The following STARD7 variants were observed in gnomAD, a reference collection of about 807,000 sequenced individuals.
STARD7 encodes StAR related lipid transfer domain containing 7, also known as stAR-related lipid transfer protein 7, mitochondrial.
In STARD7, 30 loss-of-function variants were observed where a neutral mutation model predicts 45.3. The observed-to-expected ratio is 0.66, with a 90% CI of 0.50 to 0.90. STARD7 has a LOEUF of 0.90. Among genes scored for constraint, STARD7 ranks in the 40% least tolerant of loss-of-function variants. The probability of loss-of-function intolerance (pLI) is 0.00; values close to 1 mark genes in which losing one functional copy is unlikely to be tolerated. For missense variants in STARD7, 495 were observed against 491.3 expected (o/e 1.01, Z -0.07); for synonymous variants, 199 against 183.0 (o/e 1.09, Z -0.70).
At chr2:96,194,673 G>A (rs1332062643) in intron 3 of STARD7, among the ~76,000 whole-genome samples, 1 of 152,010 alleles carries the variant, frequency 6.6e-6, no homozygotes, top group Non-Finnish European at 1.5e-5. Context: ...AGTTGTTTGG[G>A]GAAAAAAACA....
chr2:96,185,742 GA>G lies in STARD7; in HGVS notation c.*987del, dbSNP rs1185623306. 6.6e-6 allele frequency: 1 copy of G among 152,184 alleles called. No homozygotes were observed. The highest frequency in any genetic ancestry group is 1.5e-5 in the Non-Finnish European group (1 of 68,038). 9.4% of individuals were successfully genotyped at this position (152,184 alleles called of 1,614,324 possible). A position where few individuals can be genotyped will look rare whatever the true frequency, so the allele number is the denominator to read the frequency against. ...CCCATTCCTCTGACTTTAGCCTTCT[GA>G]AAAGAACAAGTCAAACCTGAAATAT... On this transcript the variant is annotated 3_prime_UTR_variant, in exon 8 of 8. Coordinates refer to ENST00000337288, the MANE Select transcript of STARD7 (RefSeq NM_020151.4).
chr2:96,189,617 A>C (rs1683093859), intron 6 of STARD7, among the ~76,000 whole-genome samples: 1 of 151,030 alleles, frequency 6.6e-6, no homozygotes, highest in Non-Finnish European at 1.5e-5. Flanking sequence ...AAGCAGGAGA[A>C]TTGCTTGAAC....
At chr2:96,202,584 A>AT (rs1683323430) in intron 1 of STARD7, among the ~76,000 whole-genome samples, 1 of 152,204 alleles carries the variant, frequency 6.6e-6, no homozygotes, top group African/African-American at 2.4e-5. Flanking sequence ...CGATTACAGC[A>AT]TTTTTGAGGT....
intron 1 of STARD7, among the ~76,000 whole-genome samples, chr2:96,202,153 C>T (rs1043278187): frequency 2.6e-5 from 4 of 152,128 alleles, no homozygotes; most frequent in African/African-American, 9.7e-5. Flanking sequence ...CGCCCACAAG[C>T]AGTTAAAGCA....
intron 1 of STARD7, among the ~76,000 whole-genome samples, chr2:96,206,755 C>A (rs1050198261): frequency 7.8e-5 from 11 of 140,790 alleles, no homozygotes; most frequent in Non-Finnish European, 1.1e-4. Flanking sequence ...GAGCCTAGAT[C>A]GCGCCACTGC....
chr2:96,197,115 A>AACTAAACTAAACTAAAC (rs1485190560), intron 1 of STARD7, among the ~76,000 whole-genome samples: 1 of 141,304 alleles, frequency 7.1e-6, no homozygotes, highest in Non-Finnish European at 1.5e-5. Context: ...ATAAAATAAA[A>AACTAAACTAAACTAAAC]TAAAATAAAG....
chr2:96,200,013 T>C (rs1244338347), intron 1 of STARD7, among the ~76,000 whole-genome samples: 2 of 152,236 alleles, frequency 1.3e-5, no homozygotes, highest in African/African-American at 4.8e-5. Flanking sequence ...AATCCTACTT[T>C]TCATGGCATA....
chr2:96,192,551 A>G, intron 5 of STARD7, 83 bp from the exon 6 acceptor site: 1 of 1,012,686 alleles, frequency 9.9e-7, no homozygotes, highest in Non-Finnish European at 1.6e-6. Context: ...GGGAAGGCCT[A>G]AAAAGCTGGC....
At chr2:96,201,781 G>A (rs1350222227) in intron 1 of STARD7, among the ~76,000 whole-genome samples, 5 of 152,168 alleles carry the variant, frequency 3.3e-5, no homozygotes, top group African/African-American at 9.7e-5. Context: ...CTGGGTGAGA[G>A]TGAAACTGTC....
intron 6 of STARD7, among the ~76,000 whole-genome samples, chr2:96,190,328 T>A (rs2104174409): frequency 6.7e-6 from 1 of 150,288 alleles, no homozygotes; most frequent in African/African-American, 2.4e-5. Flanking sequence ...TACATTTAAG[T>A]CTGTGTCTTT....
At chr2:96,200,784 G>C (rs532220424) in intron 1 of STARD7, among the ~76,000 whole-genome samples, 2 of 152,038 alleles carry the variant, frequency 1.3e-5, no homozygotes, top group African/African-American at 2.4e-5. Flanking sequence ...CCAAGTAGCT[G>C]GCACAATAGG....
intron 1 of STARD7, among the ~76,000 whole-genome samples, chr2:96,196,071 C>T (rs1338743869): frequency 1.3e-5 from 2 of 150,458 alleles, no homozygotes; most frequent in Non-Finnish European, 3.0e-5. Flanking sequence ...CGAGATCACG[C>T]CACTGCACTC....
chr2:96,187,104 G>GAAAAAA, intron 7 of STARD7, 113 bp downstream of exon 7: 1 of 749,890 alleles, frequency 1.3e-6, no homozygotes, highest in Non-Finnish European at 2.0e-6. Flanking sequence ...CTCTGTCTCA[G>GAAAAAA]AAAAAAAAAA....
rs368018090 is a variant in STARD7, at chr2:96,208,095, C to G, written c.290+50G>C. ...CGACCACAGGGCAGGCCCCAGGGTTCACAAGCCCCCCCACCCCACGGCCCA... is the reference window on the plus strand; with the variant it reads ...CGACCACAGGGCAGGCCCCAGGGTTGACAAGCCCCCCCACCCCACGGCCCA... On this transcript the variant is annotated intron_variant, in intron 1 of 7. Coordinates refer to ENST00000337288, the MANE Select transcript of STARD7 (RefSeq NM_020151.4). The G allele has an allele frequency of 2.4e-4, 355 of 1,483,158 alleles. 6 individuals are homozygous for G. In the African/African-American group the frequency reaches 4.8e-3, roughly 20 times the overall value. The allele number at this position is 1,483,158 out of a possible 1,614,324, so 91.9% of individuals were successfully genotyped here.
intron 1 of STARD7, among the ~76,000 whole-genome samples, chr2:96,197,073 A>T (rs973237931): frequency 7.6e-6 from 1 of 132,146 alleles, no homozygotes; most frequent in African/African-American, 2.9e-5. Flanking sequence ...TCTCAAAATA[A>T]AATAAAATAA....
In STARD7 at chr2:96,195,452, C is replaced by T. The variant is rs558165041; in HGVS notation, c.388G>A (p.Gly130Arg). 2 of 1,613,606 alleles carry T rather than the reference C, an allele frequency of 1.2e-6. No homozygotes were observed. Among genetic ancestry groups the T allele is most frequent in the Non-Finnish European group, 1.7e-6 (2 of 1,179,742 alleles). The stretch of plus-strand genomic sequence containing the variant: ...TCTTTGCCCTCTGAATCTTCATTCC[C>T]TTCTGTTTGGGCTTTTGGTTCTGGA... Reference protein sequence around the residue: ...HPPEPKAQTEGNEDSEGKEQR... With the variant: ...HPPEPKAQTERNEDSEGKEQR... The change falls in exon 2 of 8, where the codon GGG becomes AGG. Residue 130 changes from glycine to arginine, a missense_variant. Coordinates refer to ENST00000337288, the MANE Select transcript of STARD7 (RefSeq NM_020151.4).
At position 96,185,532 on chromosome 2, in the gene STARD7, G is replaced by T. The variant is rs894357464; in HGVS notation, c.*1198C>A. ...GGTCAAACTGACAGCATCAGATTGT[G>T]ACCTTATCTGAACAGTGTAGTTCAC... On this transcript the variant is annotated 3_prime_UTR_variant, in exon 8 of 8. Transcript: ENST00000337288. 2 of 152,198 alleles carry T rather than the reference G, an allele frequency of 1.3e-5. No individual in the cohort carries two copies. Among genetic ancestry groups the T allele is most frequent in the Non-Finnish European group, 2.9e-5 (2 of 68,042 alleles). The allele number at this position is 152,198 out of a possible 1,614,324, so 9.4% of individuals were successfully genotyped here.
Position 96,195,379 on chromosome 2 carries a change from C to T in STARD7, c.461G>A (p.Arg154Gln), listed in dbSNP as rs754628120. Residue 154 changes from arginine (R) to glutamine (Q), a missense_variant, in exon 2 of 8, where the codon CGG becomes CAG. Transcript: ENST00000337288. The stretch of plus-strand genomic sequence containing the variant: ...AAGGTGGGTGCCTGTAATTGGGCGC[C>T]GCCACAGCTTAAAGTGTTTCTTATC... ...VMDKKHFKLWRRPITGTHLYQ... is the reference protein window; with the variant it reads ...VMDKKHFKLWQRPITGTHLYQ... 21 of 1,593,914 alleles carry T rather than the reference C, an allele frequency of 1.3e-5. No homozygotes were observed. Among genetic ancestry groups the T allele is most frequent in the African/African-American group, 1.3e-5 (1 of 74,722 alleles).
chr2:96,192,738 T>C (rs1011087445), intron 5 of STARD7, among the ~76,000 whole-genome samples: 2 of 152,166 alleles, frequency 1.3e-5, no homozygotes, highest in Non-Finnish European at 2.9e-5. Flanking sequence ...TGGACCACAC[T>C]GTGAAACCCT....
Sources: gnomAD v4.1 joint callset for allele counts (sites outside exome capture counted in the v4.1 genomes callset) on GRCh38, gnomAD v4.1.1 for gene constraint, MANE v1.5 for transcripts, NCBI Gene and HGNC (gene_info 2026-07-23, HGNC 2026-07-21) for gene names.